Variants in GJB7 observed in about 807,000 individuals in gnomAD.
GJB7 encodes gap junction beta-7 protein.
For synonymous variants in GJB7, 87 were observed against 95.2 expected (o/e 0.91, Z 0.50); for missense variants, 253 against 256.8 (o/e 0.99, Z 0.10).
At chr6:87,325,836 G>T (rs902749765) in intron 1 of GJB7, among the ~76,000 whole-genome samples, 2 of 152,198 alleles carry the variant, frequency 1.3e-5, no homozygotes, top group African/African-American at 4.8e-5. Context: ...GTTTCAGAAG[G>T]AATGGTACCA....
chr6:87,321,129 G>A (rs781225432), intron 2 of GJB7, among the ~76,000 whole-genome samples: 3 of 150,904 alleles, frequency 2.0e-5, no homozygotes, highest in African/African-American at 7.3e-5. Context: ...TGAGGCAGGA[G>A]AATTGCTTGA....
At chr6:87,299,915 A>C in intron 2 of GJB7, 1 of 282,866 alleles carries the variant, frequency 3.5e-6, no homozygotes, top group Non-Finnish European at 7.2e-6. Context: ...TGAATATGAA[A>C]AGGAAAAACT....
intron 2 of GJB7, chr6:87,299,390 T>C: frequency 2.0e-6 from 1 of 494,268 alleles, no homozygotes; most frequent in Non-Finnish European, 4.0e-6. Context: ...TTAGAAATTA[T>C]TAAAGGCATA....
intron 2 of GJB7, among the ~76,000 whole-genome samples, chr6:87,306,485 A>T (rs1048008272): frequency 1.3e-5 from 2 of 152,238 alleles, no homozygotes; most frequent in Non-Finnish European, 2.9e-5. Context: ...ATACCATCTC[A>T]CACCAGTTAG....
At chr6:87,306,216 A>T (rs1776425101) in intron 2 of GJB7, among the ~76,000 whole-genome samples, 1 of 152,208 alleles carries the variant, frequency 6.6e-6, no homozygotes, top group African/African-American at 2.4e-5. Context: ...ACAGCAAAAG[A>T]AACTACCGTC....
chr6:87,292,721 C>T (rs1485824232), intron 2 of GJB7, among the ~76,000 whole-genome samples: 2 of 152,164 alleles, frequency 1.3e-5, no homozygotes, highest in Non-Finnish European at 2.9e-5. Flanking sequence ...GAGAATTTTA[C>T]AGTTGGAAAT....
At chr6:87,287,186 TC>T (rs1384682422) in intron 2 of GJB7, among the ~76,000 whole-genome samples, 1 of 152,188 alleles carries the variant, frequency 6.6e-6, no homozygotes, top group Admixed American at 6.5e-5. Context: ...GGGCTAGAGC[TC>T]CAGGCCTGCC....
chr6:87,315,812 A>G (rs996546526), intron 2 of GJB7, among the ~76,000 whole-genome samples: 2 of 151,514 alleles, frequency 1.3e-5, no homozygotes, highest in Admixed American at 6.6e-5. Flanking sequence ...AAAAAAAAAA[A>G]AAAAGAAAGA....
intron 2 of GJB7, among the ~76,000 whole-genome samples, chr6:87,303,000 C>A (rs1776361207): frequency 6.6e-6 from 1 of 152,174 alleles, no homozygotes; most frequent in Non-Finnish European, 1.5e-5. Flanking sequence ...CACCACCAGG[C>A]CTGCTCTACA....
At chr6:87,302,711 C>T (rs953421893) in intron 2 of GJB7, among the ~76,000 whole-genome samples, 12 of 152,060 alleles carry the variant, frequency 7.9e-5, no homozygotes, top group Non-Finnish European at 8.8e-5. Context: ...AGAGCAACTC[C>T]AAGACACATA....
Position 87,284,297 on chromosome 6 carries a change from A to G in GJB7, c.616T>C (p.Phe206Leu), listed in dbSNP as rs6934603. ...IELSFLVLKCFIKCCLQKYLK... is the reference protein window; with the variant it reads ...IELSFLVLKCLIKCCLQKYLK... ...TATTTTTGGAGACAGCACTTAATAA[A>G]GCACTTGAGAACCAAAAAACTCAGT... is the stretch of plus-strand genomic sequence containing the variant. The change falls in exon 3 of 3, where the codon TTT (phenylalanine) becomes CTT (leucine). Residue 206 changes from phenylalanine (F) to leucine (L), a missense_variant. Physicochemically the swap from Phe to Leu is conservative, Grantham distance 22 (BLOSUM62 0). Transcript: ENST00000525899. The G allele has an allele frequency of 0.5, 812,174 of 1,612,704 alleles. 207,085 individuals are homozygous for G. Among genetic ancestry groups the G allele is most frequent in the Admixed American group, 0.66 (39,566 of 59,976 alleles).
chr6:87,303,207 C>T (rs1021719760), intron 2 of GJB7, among the ~76,000 whole-genome samples: 15 of 152,110 alleles, frequency 9.9e-5, no homozygotes, highest in Admixed American at 1.3e-4. Flanking sequence ...GGGCTAAATG[C>T]TCCAATTAAA....
At chr6:87,313,074 T>C (rs1713611297) in intron 2 of GJB7, among the ~76,000 whole-genome samples, 1 of 152,222 alleles carries the variant, frequency 6.6e-6, no homozygotes, top group Non-Finnish European at 1.5e-5. Flanking sequence ...TGTCACTGGG[T>C]TATCTTAATT....
chr6:87,314,969 T>C (rs1386676429), intron 2 of GJB7, among the ~76,000 whole-genome samples: 2 of 152,134 alleles, frequency 1.3e-5, no homozygotes, highest in Admixed American at 6.5e-5. Context: ...AACTCAGGAA[T>C]CTCTCTTGTG....
At chr6:87,322,000 T>G (rs528815922) in intron 2 of GJB7, among the ~76,000 whole-genome samples, 1 of 152,284 alleles carries the variant, frequency 6.6e-6, no homozygotes, top group Non-Finnish European at 1.5e-5. Context: ...GGGGCTATTA[T>G]TCCATATGAG....
At chr6:87,292,302 T>C (rs947279193) in intron 2 of GJB7, among the ~76,000 whole-genome samples, 1 of 152,248 alleles carries the variant, frequency 6.6e-6, no homozygotes, top group African/African-American at 2.4e-5. Flanking sequence ...TTCCAACATT[T>C]TATCAAAAGC....
chr6:87,299,312 C>CTGA, intron 2 of GJB7: 2 of 479,688 alleles, frequency 4.2e-6, no homozygotes, highest in Non-Finnish European at 8.4e-6. Context: ...AACATCATTT[C>CTGA]TGATGCAAAT....
chr6:87,306,270 C>T (rs1366244612), intron 2 of GJB7, among the ~76,000 whole-genome samples: 1 of 152,144 alleles, frequency 6.6e-6, no homozygotes, highest in Non-Finnish European at 1.5e-5. Flanking sequence ...ATTTCCACAA[C>T]CTACTCATCT....
At chr6:87,299,369 TG>T in intron 2 of GJB7, 1 of 492,028 alleles carries the variant, frequency 2.0e-6, no homozygotes, top group South Asian at 1.5e-5. Flanking sequence ...GGAAAAACAC[TG>T]AATGATGAAT....
Sources: gnomAD v4.1 joint callset for allele counts (sites outside exome capture counted in the v4.1 genomes callset) on GRCh38, gnomAD v4.1.1 for gene constraint, MANE v1.5 for transcripts, NCBI Gene and HGNC (gene_info 2026-07-23, HGNC 2026-07-21) for gene names.